The following GALNT17 variants were observed in gnomAD, a reference collection of about 807,000 sequenced individuals.
GALNT17 encodes polypeptide N-acetylgalactosaminyltransferase 17, also known as UDP-GalNAc:polypeptide N-acetylgalactosaminyltransferase-like 3.
Under a neutral mutation model 63.7 loss-of-function variants are expected in GALNT17, and 29 were observed. The ratio of observed to expected loss-of-function variants is 0.46; its 90% CI spans 0.34 to 0.62. The LOEUF is 0.62. GALNT17 is among the 20% of genes least tolerant of loss of function. The pLI is 0.01. For missense variants in GALNT17, 603 were observed against 799.6 expected, an observed-to-expected ratio of 0.75 and a Z score of 2.97; for synonymous variants, 305 against 318.3, an observed-to-expected ratio of 0.96 and a Z score of 0.45.
chr7:71,676,475 C>T (rs938860650), intron 8 of GALNT17, among the ~76,000 whole-genome samples: 7 of 151,960 alleles, frequency 4.6e-5, no homozygotes, highest in African/African-American at 1.7e-4. Context: ...CCTGGAACTC[C>T]TGGGCTCAAG....
chr7:71,310,585 A>G (rs1449190288), intron 1 of GALNT17, among the ~76,000 whole-genome samples: 1 of 152,228 alleles, frequency 6.6e-6, no homozygotes, highest in Non-Finnish European at 1.5e-5. Flanking sequence ...GATGCCTTCA[A>G]GCAGTTCAGC....
At chr7:71,673,904 C>T (rs1272001046) in intron 8 of GALNT17, among the ~76,000 whole-genome samples, 4 of 152,222 alleles carry the variant, frequency 2.6e-5, no homozygotes, top group Admixed American at 6.5e-5. Context: ...TAGGCATAAA[C>T]CACTTAGGCT....
intron 1 of GALNT17, among the ~76,000 whole-genome samples, chr7:71,217,343 C>G (rs1789504147): frequency 6.6e-6 from 1 of 151,626 alleles, no homozygotes; most frequent in African/African-American, 2.4e-5. Flanking sequence ...TATATTGTTG[C>G]ACTTGCATTT....
intron 1 of GALNT17, among the ~76,000 whole-genome samples, chr7:71,305,055 C>A (rs141528459): frequency 6.6e-6 from 1 of 152,322 alleles, no homozygotes; most frequent in East Asian, 1.9e-4. Flanking sequence ...CCTAGCAATT[C>A]TTTCTGTGTA....
At chr7:71,324,492 A>C (rs576623618) in intron 1 of GALNT17, among the ~76,000 whole-genome samples, 2 of 152,198 alleles carry the variant, frequency 1.3e-5, no homozygotes, top group East Asian at 1.9e-4. Flanking sequence ...CTCTACTAAA[A>C]ACACACACAC....
chr7:71,230,948 T>C (rs981845813), intron 1 of GALNT17, among the ~76,000 whole-genome samples: 3 of 151,900 alleles, frequency 2.0e-5, no homozygotes, highest in Admixed American at 2.0e-4. Context: ...AACTGTAGCG[T>C]GAGGACCAGC....
chr7:71,448,508 C>G (rs958791041), intron 5 of GALNT17, among the ~76,000 whole-genome samples: 3 of 151,824 alleles, frequency 2.0e-5, no homozygotes, highest in African/African-American at 7.3e-5. Flanking sequence ...GGGGTATTTT[C>G]TTAACTTTGT....
At chr7:71,681,570 G>A (rs1388971454) in intron 9 of GALNT17, among the ~76,000 whole-genome samples, 1 of 152,166 alleles carries the variant, frequency 6.6e-6, no homozygotes, top group Non-Finnish European at 1.5e-5. Flanking sequence ...GATCCCAGAG[G>A]CTGAGCCTAG....
At chr7:71,653,401 A>G (rs1343410627) in intron 6 of GALNT17, among the ~76,000 whole-genome samples, 1 of 147,206 alleles carries the variant, frequency 6.8e-6, no homozygotes, top group Admixed American at 6.8e-5. Context: ...GTTTCGACCT[A>G]TAAAAGTAGG....
intron 1 of GALNT17, among the ~76,000 whole-genome samples, chr7:71,221,969 A>G (rs1283010575): frequency 7.4e-6 from 1 of 135,264 alleles, no homozygotes; most frequent in African/African-American, 2.7e-5. Flanking sequence ...ATGTGGTGGC[A>G]TGATCTCAGC....
chr7:71,702,661 A>G (rs1337994043), intron 9 of GALNT17, among the ~76,000 whole-genome samples: 4 of 152,216 alleles, frequency 2.6e-5, no homozygotes, highest in Non-Finnish European at 5.9e-5. Context: ...TGGTGTGTTG[A>G]TAAAAAGCTG....
chr7:71,301,820 C>T (rs1791204307), intron 1 of GALNT17, among the ~76,000 whole-genome samples: 1 of 152,054 alleles, frequency 6.6e-6, no homozygotes, highest in African/African-American at 2.4e-5. Context: ...TACACAAAGG[C>T]AAAAAAGAAT....
At chr7:71,671,953 G>T (rs935124315) in intron 8 of GALNT17, among the ~76,000 whole-genome samples, 2 of 148,716 alleles carry the variant, frequency 1.3e-5, no homozygotes, top group East Asian at 4.0e-4. Context: ...GCTTGAACCC[G>T]ATAGGCAGAA....
At chr7:71,322,912 T>C (rs1791642273) in intron 1 of GALNT17, among the ~76,000 whole-genome samples, 1 of 152,172 alleles carries the variant, frequency 6.6e-6, no homozygotes, top group South Asian at 2.1e-4. Context: ...AAAGGTCTGT[T>C]GTTTAAGCCT....
At chr7:71,187,467 A>G (rs1353361527) in intron 1 of GALNT17, among the ~76,000 whole-genome samples, 1 of 145,738 alleles carries the variant, frequency 6.9e-6, no homozygotes, top group East Asian at 1.9e-4. Context: ...CTTCTGAGTT[A>G]CGCTCACTTC....
intron 1 of GALNT17, among the ~76,000 whole-genome samples, chr7:71,233,034 C>T (rs527859345): frequency 6.6e-6 from 1 of 152,284 alleles, no homozygotes; most frequent in South Asian, 2.1e-4. Context: ...GTTCTACTCC[C>T]TGCATTACAG....
chr7:71,647,229 A>ATTTTTTTTTTTTTTTT lies in GALNT17; in HGVS notation c.1081-18171_1081-18170insTTTTTTTTTTTTTTTT, dbSNP rs5884850. 4.1e-4 allele frequency among the ~76,000 whole-genome samples: 56 copies of ATTTTTTTTTTTTTTTT among 137,526 alleles called. 1 individual carries two copies. Among genetic ancestry groups the ATTTTTTTTTTTTTTTT allele is most frequent in the Middle Eastern group, 3.6e-3 (1 of 276 alleles). The allele number at this position is 137,526 out of a possible 152,430, so 90.2% of individuals were successfully genotyped here. ...CAGGTGCCCACCACTGTGCCCAGCT[A>ATTTTTTTTTTTTTTTT]TTTTTTTTTTTGTATTTTTAGTAGA... On this transcript the variant is annotated intron_variant, in intron 6 of 10. Transcript: ENST00000333538.
chr7:71,447,517 G>T (rs1472768379), intron 5 of GALNT17, among the ~76,000 whole-genome samples: 1 of 152,054 alleles, frequency 6.6e-6, no homozygotes, highest in African/African-American at 2.4e-5. Context: ...AAAAATCTGA[G>T]ATTTGCAACA....
chr7:71,586,001 C>G (rs1193507626), intron 6 of GALNT17, among the ~76,000 whole-genome samples: 6 of 151,384 alleles, frequency 4.0e-5, no homozygotes, highest in Non-Finnish European at 1.5e-5. Flanking sequence ...ACCTCTGCCT[C>G]CCAGGTTCAA....
Sources: gnomAD v4.1 joint callset for allele counts (sites outside exome capture counted in the v4.1 genomes callset) on GRCh38, gnomAD v4.1.1 for gene constraint, MANE v1.5 for transcripts, NCBI Gene and HGNC (gene_info 2026-07-23, HGNC 2026-07-21) for gene names.